Variants in ADGRB3 observed in about 807,000 individuals in gnomAD.
ADGRB3 encodes the protein brain-specific angiogenesis inhibitor 3.
In ADGRB3, 37 loss-of-function variants were observed where a neutral mutation model predicts 193.4. That is an observed-to-expected ratio of 0.19 (90% confidence interval 0.15 to 0.25). The LOEUF (loss-of-function observed/expected upper bound fraction) is 0.25, where lower values mean the gene tolerates loss of function less well. ADGRB3 is among the 10% of genes least tolerant of loss of function. ADGRB3 has a pLI of 1.00. For missense variants in ADGRB3, 1,637 were observed against 1,852.9 expected, an observed-to-expected ratio of 0.88 and a Z score of 2.14; for synonymous variants, 690 against 644.2, an observed-to-expected ratio of 1.07 and a Z score of -1.08.
chr6:68,864,049 T>C (rs920726676), intron 3 of ADGRB3, among the ~76,000 whole-genome samples: 2 of 152,222 alleles, frequency 1.3e-5, no homozygotes, highest in African/African-American at 2.4e-5. Context: ...TCTTCTTTTT[T>C]ATAATTTATT....
intron 3 of ADGRB3, among the ~76,000 whole-genome samples, chr6:68,883,402 G>A (rs1458831313): frequency 6.6e-6 from 1 of 152,168 alleles, no homozygotes; most frequent in Non-Finnish European, 1.5e-5. Context: ...TGCAGCACCA[G>A]CTGCGGCAAT....
At chr6:68,781,863 T>G (rs188008791) in intron 3 of ADGRB3, among the ~76,000 whole-genome samples, 66 of 152,096 alleles carry the variant, frequency 4.3e-4, no homozygotes, top group African/African-American at 1.5e-3. Context: ...CAAGAAAACA[T>G]AGCTTCAGTG....
At chr6:68,696,498 C>T (rs756230038) in intron 3 of ADGRB3, among the ~76,000 whole-genome samples, 6 of 151,352 alleles carry the variant, frequency 4.0e-5, no homozygotes, top group South Asian at 2.1e-4. Context: ...ACTGAATTAA[C>T]GAAAGTTTTT....
intron 17 of ADGRB3, among the ~76,000 whole-genome samples, chr6:69,122,371 C>G (rs1177742853): frequency 6.7e-6 from 1 of 149,600 alleles, no homozygotes; most frequent in Non-Finnish European, 1.5e-5. Flanking sequence ...ACCACGGGAG[C>G]CCGGGGCAGG....
In ADGRB3 at chr6:69,039,078, G is replaced by T. The variant is rs567161198; in HGVS notation, c.2108-9107G>T. On this transcript the variant is annotated intron_variant, in intron 13 of 31. Transcript: ENST00000370598. ...CTATGCCCCCATTAGTCACTTAGTAGCCAGCATGTTTATCAGATTGACTGT... is the reference window on the plus strand; with the variant it reads ...CTATGCCCCCATTAGTCACTTAGTATCCAGCATGTTTATCAGATTGACTGT... 3.9e-5 allele frequency among the ~76,000 whole-genome samples: 6 copies of T among 152,156 alleles called. No individual in the cohort carries two copies. In the South Asian group the frequency reaches 1.2e-3, roughly 32 times the overall value.
intron 3 of ADGRB3, among the ~76,000 whole-genome samples, chr6:68,709,492 C>T (rs1765375845): frequency 6.6e-6 from 1 of 152,046 alleles, no homozygotes; most frequent in Non-Finnish European, 1.5e-5. Flanking sequence ...GTGGTTTTTC[C>T]ACTAATGAAT....
intron 10 of ADGRB3, among the ~76,000 whole-genome samples, chr6:68,990,420 A>G (rs1026432521): frequency 2.0e-5 from 3 of 152,150 alleles, no homozygotes; most frequent in Non-Finnish European, 4.4e-5. Flanking sequence ...CTACAATGCC[A>G]GGAAGGATGC....
At chr6:69,262,833 A>T (rs75089015) in intron 20 of ADGRB3, among the ~76,000 whole-genome samples, 3 of 151,934 alleles carry the variant, frequency 2.0e-5, no homozygotes, top group Non-Finnish European at 2.9e-5. Flanking sequence ...ATAAAAAAAA[A>T]ATATTATAGA....
At chr6:68,937,148 T>G (rs1481426680) in intron 5 of ADGRB3, among the ~76,000 whole-genome samples, 9 of 152,186 alleles carry the variant, frequency 5.9e-5, no homozygotes, top group Admixed American at 5.9e-4. Flanking sequence ...AAATAACTTC[T>G]TGGTATTTTA....
chr6:68,765,051 A>G (rs1379077601), intron 3 of ADGRB3, among the ~76,000 whole-genome samples: 1 of 152,204 alleles, frequency 6.6e-6, no homozygotes, highest in Admixed American at 6.5e-5. Flanking sequence ...TTGCCTCTTA[A>G]TAATTCTCAG....
intron 3 of ADGRB3, among the ~76,000 whole-genome samples, chr6:68,899,087 G>A (rs1582296739): frequency 6.6e-6 from 1 of 152,186 alleles, no homozygotes; most frequent in Non-Finnish European, 1.5e-5. Context: ...CCATAGTAAT[G>A]TAAGATGTTA....
intron 17 of ADGRB3, among the ~76,000 whole-genome samples, chr6:69,206,576 G>T (rs549072337): frequency 5.9e-5 from 9 of 152,094 alleles, no homozygotes; most frequent in South Asian, 2.1e-4. Context: ...ACTATCCTTC[G>T]TACAACCAGA....
chr6:69,232,840 A>G (rs1025254317), intron 17 of ADGRB3, among the ~76,000 whole-genome samples: 2 of 152,228 alleles, frequency 1.3e-5, no homozygotes, highest in Non-Finnish European at 2.9e-5. Context: ...AGAAATCCGC[A>G]TTTTAAAAGC....
intron 17 of ADGRB3, among the ~76,000 whole-genome samples, chr6:69,149,528 C>T (rs1774606318): frequency 1.3e-5 from 2 of 152,026 alleles, no homozygotes; most frequent in Admixed American, 1.3e-4. Flanking sequence ...TCTGTCTCTC[C>T]AGGATTGGTC....
At chr6:69,316,953 G>C (rs950425075) in intron 20 of ADGRB3, among the ~76,000 whole-genome samples, 1 of 151,462 alleles carries the variant, frequency 6.6e-6, no homozygotes, top group Non-Finnish European at 1.5e-5. Context: ...TAAAGGAAGA[G>C]AATGTAGAGA....
chr6:68,957,645 G>A (rs923369362), intron 8 of ADGRB3, among the ~76,000 whole-genome samples: 2 of 152,048 alleles, frequency 1.3e-5, no homozygotes, highest in African/African-American at 4.8e-5. Flanking sequence ...GATTCCTGGG[G>A]GTACAGTGAG....
At chr6:69,009,533 A>G (rs1769870386) in intron 11 of ADGRB3, among the ~76,000 whole-genome samples, 2 of 151,826 alleles carry the variant, frequency 1.3e-5, no homozygotes, top group Non-Finnish European at 2.9e-5. Flanking sequence ...ATAGCATAAG[A>G]TAAAGTTGGA....
intron 10 of ADGRB3, among the ~76,000 whole-genome samples, chr6:68,983,019 A>G (rs1768969922): frequency 6.6e-6 from 1 of 152,078 alleles, no homozygotes; most frequent in Non-Finnish European, 1.5e-5. Context: ...TGAAAGTGTC[A>G]TTTTTGTAAT....
rs529391778 is a variant in ADGRB3 at position 68,782,312 on chromosome 6, T to C, written c.757+142880T>C. Among the ~76,000 whole-genome samples, 706 of 152,104 alleles carry C rather than the reference T, an allele frequency of 4.6e-3. 6 individuals carry two copies. Among genetic ancestry groups the C allele is most frequent in the African/African-American group, 0.016 (663 of 41,478 alleles). ...ACAAAGGACATGAACTCATCATTTT[T>C]TATGGCTGCATAGTATTCCATGGTG... On this transcript the variant is annotated intron_variant, in intron 3 of 31. Transcript: ENST00000370598.
Sources: allele counts gnomAD v4.1 joint callset (sites outside exome capture counted in the v4.1 genomes callset), GRCh38; gene constraint gnomAD v4.1.1; transcripts MANE v1.5; gene names NCBI Gene and HGNC (gene_info 2026-07-23, HGNC 2026-07-21).